The following AGO1 variants were observed in gnomAD, a reference collection of about 807,000 sequenced individuals.
The protein encoded by AGO1 is protein argonaute-1.
AGO1 carries 11 observed loss-of-function variants against 109.2 expected under a neutral mutation model. The ratio of observed to expected loss-of-function variants is 0.10; its 90% confidence interval spans 0.06 to 0.17. AGO1 has a LOEUF of 0.17. Among genes scored for constraint, AGO1 ranks in the 10% least tolerant of loss-of-function variants. AGO1 has a pLI of 1.00. For synonymous variants in AGO1, 422 were observed against 418.6 expected (o/e 1.01, Z -0.10); for missense variants, 574 against 1,140.3 (o/e 0.50, Z 7.15).
upstream of AGO1, among the ~76,000 whole-genome samples, chr1:35,881,703 G>A (rs1266700242): frequency 6.6e-6 from 1 of 152,228 alleles, no homozygotes; most frequent in Admixed American, 6.5e-5. Flanking sequence ...CATGGTATAA[G>A]TGTCAGAAAT....
intron 15 of AGO1, among the ~76,000 whole-genome samples, chr1:35,916,624 TC>T (rs1645740838): frequency 1.3e-5 from 2 of 152,220 alleles, no homozygotes; most frequent in Admixed American, 1.3e-4. Flanking sequence ...CGCCTTGGCC[TC>T]CCAAAGTGCT....
At position 35,883,226 on chromosome 1, in the gene AGO1, C is replaced by T. The variant is rs1488473859; in HGVS notation, c.-196C>T. 4.6e-5 allele frequency: 56 copies of T among 1,225,174 alleles called. No individual in the cohort carries two copies. The highest frequency in any genetic ancestry group is 7.2e-5 in the South Asian group (2 of 27,642). 75.9% of individuals were successfully genotyped at this position (1,225,174 alleles called of 1,614,324 possible). A position where few individuals can be genotyped will look rare whatever the true frequency, so the allele number is the denominator to read the frequency against. On this transcript the variant is annotated 5_prime_UTR_variant, in exon 1 of 19. Transcript: ENST00000373204. This position sits in a 1 kb window ranked among gnomAD's most constrained non-coding sequence, Gnocchi z 5.4. ...GCCTGCGCACTGGCAGCTGGCCGGG[C>T]GCTCGCAGTGGGAGCTGCTGCAGGC...
At chr1:35,884,359 C>T (rs1220031720) in intron 1 of AGO1, among the ~76,000 whole-genome samples, 7 of 151,970 alleles carry the variant, frequency 4.6e-5, no homozygotes, top group Non-Finnish European at 8.8e-5. Context: ...GTATTGGTTA[C>T]GGAGGAATCA....
chr1:35,892,927 C>CAGA (rs1645248468), intron 3 of AGO1, among the ~76,000 whole-genome samples, 170 bp from the exon 4 acceptor site: 1 of 152,150 alleles, frequency 6.6e-6, no homozygotes, highest in Non-Finnish European at 1.5e-5. Context: ...TTGAGAGGAA[C>CAGA]AGAAGCACTG....
At chr1:35,913,266 G>A (rs186594792) in intron 12 of AGO1, among the ~76,000 whole-genome samples, 4 of 150,944 alleles carry the variant, frequency 2.6e-5, no homozygotes, top group Middle Eastern at 3.5e-3. Context: ...TGATCCACCC[G>A]CCTCGGCCTC....
intron 2 of AGO1, 115 bp from the exon 3 acceptor site, chr1:35,892,442 G>T (rs769357050): frequency 2.5e-5 from 33 of 1,342,338 alleles, no homozygotes; most frequent in Non-Finnish European, 3.4e-5. Context: ...CTGTCATAGA[G>T]TAGATGTTAG....
At chr1:35,896,434 A>G (rs188897168) in intron 8 of AGO1, among the ~76,000 whole-genome samples, 1 of 149,388 alleles carries the variant, frequency 6.7e-6, no homozygotes, top group Non-Finnish European at 1.5e-5. Context: ...ATCTCGGCTC[A>G]CTGTAACCTC....
intron 12 of AGO1, among the ~76,000 whole-genome samples, chr1:35,913,440 T>G (rs1645677657): frequency 6.6e-6 from 1 of 152,200 alleles, no homozygotes; most frequent in African/African-American, 2.4e-5. Context: ...GCCTTTCTGT[T>G]TCTCAAACAC....
intron 12 of AGO1, among the ~76,000 whole-genome samples, chr1:35,909,205 T>C (rs1645587982): frequency 6.6e-6 from 1 of 152,342 alleles, no homozygotes; most frequent in Non-Finnish European, 1.5e-5. Flanking sequence ...ATTCACTGCA[T>C]GAAGGGTTTT....
intron 1 of AGO1, among the ~76,000 whole-genome samples, chr1:35,886,785 A>G (rs1165392079): frequency 6.6e-6 from 1 of 151,848 alleles, no homozygotes; most frequent in African/African-American, 2.4e-5. Flanking sequence ...GTGTCTATGG[A>G]TATGTTTGTT....
rs1645936844 is a variant in AGO1, at chr1:35,926,811, C to G, written c.*7204C>G. ...CATTTAGTTTTCCACTTACGCACAA[C>G]TGCCTTCTCCAGTATATCATACCAA... On this transcript the variant is annotated 3_prime_UTR_variant, in exon 19 of 19. Transcript: ENST00000373204. The G allele has an allele frequency of 6.6e-6, 1 of 152,190 alleles. No homozygotes were observed. Among genetic ancestry groups the G allele is most frequent in the Admixed American group, 6.5e-5 (1 of 15,280 alleles). The allele number at this position is 152,190 out of a possible 1,614,324, so 9.4% of individuals were successfully genotyped here. A position where few individuals can be genotyped will look rare whatever the true frequency, so the allele number is the denominator to read the frequency against.
At chr1:35,900,093 C>T (rs34002152) in intron 8 of AGO1, among the ~76,000 whole-genome samples, 4,395 of 152,200 alleles carry the variant, frequency 0.029, 99 homozygotes, top group Admixed American at 0.05. Context: ...GGGCCCAGAA[C>T]AGATGAAGTA....
Position 35,883,511 on chromosome 1 carries a change from G to C in AGO1, c.25+65G>C. On this transcript the variant is annotated intron_variant, in intron 1 of 18. Coordinates refer to ENST00000373204, the MANE Select transcript of AGO1 (RefSeq NM_012199.5). This position sits in a 1 kb window ranked among gnomAD's most constrained non-coding sequence, Gnocchi z 5.4. ...GACTGGGGGATCCCGCATGAAAAGC[G>C]TGGTTTCCAAGTGATGGAAGCGCTC... 1 of 1,474,518 alleles carries C rather than the reference G, an allele frequency of 6.8e-7. No homozygotes were observed. The highest frequency in any genetic ancestry group is 9.0e-7 in the Non-Finnish European group (1 of 1,114,550). The allele number at this position is 1,474,518 out of a possible 1,614,324, so 91.3% of individuals were successfully genotyped here. A position where few individuals can be genotyped will look rare whatever the true frequency, so the allele number is the denominator to read the frequency against.
intron 11 of AGO1, among the ~76,000 whole-genome samples, chr1:35,904,935 G>C (rs565190814): frequency 6.6e-6 from 1 of 152,120 alleles, no homozygotes. Flanking sequence ...GGTGCTATGG[G>C]GTTTGACAAA....
intron 12 of AGO1, 77 bp downstream of exon 12, chr1:35,907,196 C>G: frequency 1.5e-6 from 2 of 1,368,102 alleles, no homozygotes; most frequent in East Asian, 4.9e-5. Context: ...CTGGGAAGGA[C>G]TCAGTCTGGA....
At chr1:35,916,690 T>C (rs1486636794) in intron 15 of AGO1, among the ~76,000 whole-genome samples, 2 of 152,218 alleles carry the variant, frequency 1.3e-5, no homozygotes, top group African/African-American at 2.4e-5. Flanking sequence ...TTCTAAGTCA[T>C]CCAGTATTTT....
At chr1:35,895,603 G>A (rs1645303756) in intron 8 of AGO1, among the ~76,000 whole-genome samples, 1 of 152,144 alleles carries the variant, frequency 6.6e-6, no homozygotes, top group Admixed American at 6.5e-5. Context: ...GATCCTAAGT[G>A]ACCTGAAGAT....
intron 11 of AGO1, among the ~76,000 whole-genome samples, chr1:35,903,997 C>G (rs1645470680): frequency 6.6e-6 from 1 of 151,782 alleles, no homozygotes; most frequent in Non-Finnish European, 1.5e-5. Context: ...CCTGATGGAT[C>G]TGGAGACTAT....
chr1:35,877,066 T>C (rs1055563992), intron 1 of AGO1, among the ~76,000 whole-genome samples: 1 of 152,206 alleles, frequency 6.6e-6, no homozygotes, highest in Non-Finnish European at 1.5e-5. Flanking sequence ...TTTAGGGTTT[T>C]GGGGCCTTCG....
Sources: allele counts gnomAD v4.1 joint callset (sites outside exome capture counted in the v4.1 genomes callset), GRCh38; gene constraint gnomAD v4.1.1; non-coding constraint Gnocchi (gnomAD v3.1); transcripts MANE v1.5; gene names NCBI Gene and HGNC (gene_info 2026-07-23, HGNC 2026-07-21).